Variants in ZNF606 observed in about 807,000 individuals in gnomAD.
ZNF606 encodes the protein zinc finger protein 606, also known as zinc finger protein 328.
In ZNF606, 37 loss-of-function variants were observed where a neutral mutation model predicts 74.9. That is an observed-to-expected ratio of 0.49 (90% CI 0.38 to 0.65). The LOEUF (loss-of-function observed/expected upper bound fraction) is 0.65. ZNF606 is among the 30% of genes least tolerant of loss of function. ZNF606 has a pLI of 0.00. For missense variants in ZNF606, 852 were observed against 952.9 expected (o/e 0.89, Z 1.39); for synonymous variants, 328 against 312.4 (o/e 1.05, Z -0.53).
intron 1 of ZNF606, 79 bp downstream of exon 1, chr19:58,002,317 G>C: frequency 2.2e-6 from 1 of 456,756 alleles, no homozygotes; most frequent in Middle Eastern, 3.3e-4. Context: ...CTTATCACCT[G>C]CTTCCAGAGC....
intron 4 of ZNF606, 136 bp downstream of exon 4, chr19:57,999,672 C>T: frequency 2.3e-6 from 2 of 867,532 alleles, no homozygotes; most frequent in South Asian, 1.5e-5. Context: ...CCTACCTGCT[C>T]TCAGGAAGGA....
chr19:57,978,703 T>C lies in ZNF606; in HGVS notation c.1977A>G (p.Lys659=). The C allele has an allele frequency of 6.2e-7, 1 of 1,614,194 alleles. No individual in the cohort carries two copies. Among genetic ancestry groups the C allele is most frequent in the Non-Finnish European group, 8.5e-7 (1 of 1,180,038 alleles). The part of the protein sequence containing the change: ...EKPYECNKCG[K]SFSQSCHLVA... The stretch of plus-strand genomic sequence containing the variant: ...CAAGGTGACAGCTCTGACTGAAGGA[T>C]TTTCCACATTTATTGCATTCATAGG... Residue 659 remains lysine, a synonymous_variant, in exon 7 of 7, where the codon AAA becomes AAG. Coordinates refer to ENST00000551380, the MANE Select transcript of ZNF606 (RefSeq NM_001348022.3). The surrounding 1 kb of genome is among the most constrained non-coding windows in gnomAD (Gnocchi z 4.4).
intron 6 of ZNF606, among the ~76,000 whole-genome samples, chr19:57,982,778 A>G (rs1360946238): frequency 1.3e-5 from 2 of 152,080 alleles, no homozygotes; most frequent in African/African-American, 4.8e-5. Context: ...GACTACAGGC[A>G]TGAATCCTGT....
rs2073463422 is a variant in ZNF606, at chr19:58,002,777, C to T, written c.-433G>A. The T allele has an allele frequency of 4.4e-6, 2 of 453,948 alleles. No individual in the cohort carries two copies. Among genetic ancestry groups the T allele is most frequent in the Non-Finnish European group, 8.8e-6 (2 of 226,016 alleles). 28.1% of individuals were successfully genotyped at this position (453,948 alleles called of 1,614,324 possible). A position where few individuals can be genotyped will look rare whatever the true frequency, so the allele number is the denominator to read the frequency against. On this transcript the variant is annotated 5_prime_UTR_variant, in exon 1 of 7. Coordinates refer to ENST00000551380, the MANE Select transcript of ZNF606 (RefSeq NM_001348022.3). ...GGCCCCACAGCCTGAGCAAAGGCCT[C>T]ACCTCAGCCGCGGACAATGGCGGCT...
chr19:57,980,153 A>G lies in ZNF606; in HGVS notation c.527T>C (p.Val176Ala). The change falls in exon 7 of 7, where the codon GTT (valine) becomes GCT (alanine). Residue 176 changes from valine (V) to alanine (A), a missense_variant. Val to Ala is a moderately conservative substitution (Grantham distance 64). Around this residue, in one of 3 missense-constraint regions of ZNF606, gnomAD observed 545 missense variants for 542.5 expected, o/e 1.00. Transcript: ENST00000551380. ...WDDPWFSRLE[V>A]LGCKDQLEMY... Reference sequence around the variant, plus strand: ...TTCTAATTGGTCTTTACATCCCAAAACTTCTAACCTGGAGAACCAAGGATC... The same window carrying G: ...TTCTAATTGGTCTTTACATCCCAAAGCTTCTAACCTGGAGAACCAAGGATC... 1 of 1,614,140 alleles carries G rather than the reference A, an allele frequency of 6.2e-7. No individual in the cohort carries two copies. Among genetic ancestry groups the G allele is most frequent in the Non-Finnish European group, 8.5e-7 (1 of 1,180,020 alleles).
Position 58,000,687 on chromosome 19 carries a change from G to T in ZNF606, c.84C>A (p.Ser28=), listed in dbSNP as rs1273186166. Reference sequence around the variant, plus strand: ...CTGACCAGGCTCTTGACTCACCCCAGGAGGCCCATGGGTCAACAGCTGTCA... The same window carrying T: ...CTGACCAGGCTCTTGACTCACCCCATGAGGCCCATGGGTCAACAGCTGTCA... The part of the protein sequence containing the change: ...WGMTAVDPWA[S]WALCPQYPAW... Residue 28 remains serine (S), a synonymous_variant, in exon 3 of 7, where the codon TCC becomes TCA. Transcript: ENST00000551380. 1 of 1,613,556 alleles carries T rather than the reference G, an allele frequency of 6.2e-7. No individual in the cohort carries two copies. Among genetic ancestry groups the T allele is most frequent in the Non-Finnish European group, 8.5e-7 (1 of 1,179,812 alleles).
chr19:57,980,179 A>T lies in ZNF606; in HGVS notation c.501T>A (p.Asp167Glu). ...HGMKLERYIW[D>E]DPWFSRLEVL... ...CTTCTAACCTGGAGAACCAAGGATC[A>T]TCCCATATATATCTTTCCAACTTCA... The change falls in exon 7 of 7, where the codon GAT becomes GAA. Residue 167 changes from aspartate to glutamate, a missense_variant. Transcript: ENST00000551380. 1 of 1,614,188 alleles carries T rather than the reference A, an allele frequency of 6.2e-7. No homozygotes were observed. Among genetic ancestry groups the T allele is most frequent in the African/African-American group, 1.3e-5 (1 of 75,052 alleles).
intron 6 of ZNF606, among the ~76,000 whole-genome samples, chr19:57,983,654 G>A (rs2073123258): frequency 6.6e-6 from 1 of 152,074 alleles, no homozygotes; most frequent in African/African-American, 2.4e-5. Flanking sequence ...AAGTGGGTGG[G>A]AGATCAAAAA....
Position 57,979,723 on chromosome 19 carries a change from A to G in ZNF606, c.957T>C (p.Tyr319=). ...GGTTAAAGATTTGATGGCATTCCTT[A>G]TATTCATAGAGTTTTTCTCCTGTGT... ...GIHTGEKLYE[Y]KECHQIFNQS... is the part of the protein sequence containing the mutation. Residue 319 remains tyrosine (Y), a synonymous_variant, in exon 7 of 7, where the codon TAT becomes TAC. Coordinates refer to ENST00000551380, the MANE Select transcript of ZNF606 (RefSeq NM_001348022.3). The G allele has an allele frequency of 1.2e-6, 2 of 1,613,402 alleles. No homozygotes were observed. The highest frequency in any genetic ancestry group is 1.7e-6 in the Non-Finnish European group (2 of 1,179,880).
chr19:58,000,819 G>A lies in ZNF606; in HGVS notation c.32-80C>T, dbSNP rs79159129. 2,212 of 1,334,640 alleles carry A rather than the reference G, an allele frequency of 1.7e-3. 32 individuals carry two copies. The African/African-American group carries it at 0.028, about 17-fold the overall frequency. The allele number at this position is 1,334,640 out of a possible 1,614,324, so 82.7% of individuals were successfully genotyped here. A position where few individuals can be genotyped will look rare whatever the true frequency, so the allele number is the denominator to read the frequency against. ...ACAAAATACAAGAGGAGGCTGACTC[G>A]CTAATGGGCACTACAAAATTCCATA... On this transcript the variant is annotated intron_variant, in intron 2 of 6. Coordinates refer to ENST00000551380, the MANE Select transcript of ZNF606 (RefSeq NM_001348022.3).
At chr19:57,993,201 G>A (rs2123320174) in intron 4 of ZNF606, among the ~76,000 whole-genome samples, 1 of 152,326 alleles carries the variant, frequency 6.6e-6, no homozygotes, top group African/African-American at 2.4e-5. Flanking sequence ...CTGCAGAACA[G>A]TAGAATAAAT....
intron 4 of ZNF606, among the ~76,000 whole-genome samples, chr19:57,996,217 G>C (rs1366711963): frequency 3.9e-5 from 6 of 152,228 alleles, no homozygotes; most frequent in South Asian, 2.1e-4. Flanking sequence ...AGGATGGTAA[G>C]GGGACTGGGC....
intron 6 of ZNF606, 33 bp from the exon 7 acceptor site, chr19:57,980,312 T>C (rs758603510): frequency 3.2e-6 from 5 of 1,561,662 alleles, no homozygotes; most frequent in African/African-American, 2.7e-5. Flanking sequence ...TATGAGAGCA[T>C]AGAGAAAGAC....
At position 57,980,213 on chromosome 19, in the gene ZNF606, G is replaced by A; in HGVS notation, c.467C>T (p.Ser156Phe). ...PAQSIFEEEQ[S>F]HGMKLERYIW... ...ATATCTTTCCAACTTCATGCCATGG[G>A]ATTGTTCTTCCTCAAAAATGCTCTG... Residue 156 changes from serine (S) to phenylalanine (F), a missense_variant, in exon 7 of 7, where the codon TCC becomes TTC. Coordinates refer to ENST00000551380, the MANE Select transcript of ZNF606 (RefSeq NM_001348022.3). The A allele has an allele frequency of 6.2e-7, 1 of 1,614,088 alleles. No individual in the cohort carries two copies. The highest frequency in any genetic ancestry group is 8.5e-7 in the Non-Finnish European group (1 of 1,180,024).
At chr19:57,981,923 G>A (rs2073090890) in intron 6 of ZNF606, among the ~76,000 whole-genome samples, 1 of 152,226 alleles carries the variant, frequency 6.6e-6, no homozygotes, top group African/African-American at 2.4e-5. Flanking sequence ...GATGACTAAA[G>A]TCGAGACTCA....
chr19:57,978,401 C>T lies in ZNF606; in HGVS notation c.2279G>A (p.Gly760Glu), dbSNP rs1003026088. The change falls in exon 7 of 7, where the codon GGA becomes GAA. Residue 760 changes from glycine to glutamate, a missense_variant. Coordinates refer to ENST00000551380, the MANE Select transcript of ZNF606 (RefSeq NM_001348022.3). The surrounding 1 kb of genome is among the most constrained non-coding windows in gnomAD (Gnocchi z 4.4). The stretch of plus-strand genomic sequence containing the variant: ...TTCACTGCATATAAAGCGTTTCTCT[C>T]CACTATGCATTCTCTGATGAATAAT... ...SLIIHQRMHSGEKRFICSECG... is the reference protein window; with the variant it reads ...SLIIHQRMHSEEKRFICSECG... 6.2e-7 allele frequency: 1 copy of T among 1,613,800 alleles called. No individual in the cohort carries two copies. Among genetic ancestry groups the T allele is most frequent in the Non-Finnish European group, 8.5e-7 (1 of 1,179,722 alleles).
At chr19:57,999,650 G>A (rs777508072) in intron 4 of ZNF606, 158 bp downstream of exon 4, 48 of 673,898 alleles carry the variant, frequency 7.1e-5, no homozygotes, top group South Asian at 1.2e-4. Flanking sequence ...CACTAAAAAC[G>A]GCCTAATTCT....
chr19:57,985,433 T>A (rs1017425547), intron 6 of ZNF606, among the ~76,000 whole-genome samples: 1 of 152,188 alleles, frequency 6.6e-6, no homozygotes, highest in African/African-American at 2.4e-5. Context: ...AGAACTCTCA[T>A]AGTGTTACAA....
Position 57,993,328 on chromosome 19 carries a change from CTAAA to C in ZNF606, c.178-4611_178-4608del, listed in dbSNP as rs201432228. ...TTCTACTTTGGGGTTCAAAAATCTC[CTAAA>C]TAAACAGTTGGCTTTTTTTTTAAAG... On this transcript the variant is annotated intron_variant, in intron 4 of 6. Transcript: ENST00000551380. Among the ~76,000 whole-genome samples the C allele has an allele frequency of 2.0e-3, 303 of 152,168 alleles. 3 individuals are homozygous for C. In the East Asian group the frequency reaches 0.036, roughly 18 times the overall value.
Sources: gnomAD v4.1 joint callset for allele counts (sites outside exome capture counted in the v4.1 genomes callset) on GRCh38, gnomAD v4.1.1 for gene constraint, gnomAD v4.1.1 regional missense constraint, Gnocchi (gnomAD v3.1) non-coding constraint, MANE v1.5 for transcripts, NCBI Gene and HGNC (gene_info 2026-07-23, HGNC 2026-07-21) for gene names.